The following NALF1 variants were observed in gnomAD, a reference collection of about 807,000 sequenced individuals.
NALF1 encodes NALCN channel auxiliary factor 1, also known as family with sequence similarity 155 member A.
A neutral mutation model predicts 48.4 loss-of-function variants in NALF1; 3 were observed. That is an observed-to-expected ratio of 0.06 (90% CI 0.03 to 0.16). NALF1 has a LOEUF of 0.16. Ranked by LOEUF, NALF1 falls within the 10% of genes least tolerant of loss-of-function variation. The pLI is 1.00. For missense variants in NALF1, 526 were observed against 571.5 expected (o/e 0.92, Z 0.81); for synonymous variants, 262 against 245.7 (o/e 1.07, Z -0.62).
chr13:107,853,577 T>C (rs572859076), intron 1 of NALF1, among the ~76,000 whole-genome samples: 23 of 152,284 alleles, frequency 1.5e-4, no homozygotes, highest in African/African-American at 5.3e-4. Flanking sequence ...AAGAACACTT[T>C]GAAATTTTCA....
chr13:107,212,179 T>C (rs1410436697), intron 1 of NALF1, among the ~76,000 whole-genome samples: 1 of 152,174 alleles, frequency 6.6e-6, no homozygotes, highest in Admixed American at 6.5e-5. Flanking sequence ...TAACATTAGG[T>C]TGATCAAAAT....
intron 1 of NALF1, among the ~76,000 whole-genome samples, chr13:107,654,953 T>G (rs1227556234): frequency 1.3e-5 from 2 of 152,136 alleles, no homozygotes; most frequent in Admixed American, 1.3e-4. Context: ...CAGCATCCCT[T>G]AATGATTAAA....
At chr13:107,821,757 C>T (rs1191013258) in intron 1 of NALF1, among the ~76,000 whole-genome samples, 3 of 152,102 alleles carry the variant, frequency 2.0e-5, no homozygotes, top group Non-Finnish European at 4.4e-5. Flanking sequence ...TGATGTCATA[C>T]CATTAATTAT....
At chr13:107,628,923 A>C (rs1194672235) in intron 1 of NALF1, among the ~76,000 whole-genome samples, 1 of 152,028 alleles carries the variant, frequency 6.6e-6, no homozygotes, top group Non-Finnish European at 1.5e-5. Flanking sequence ...TCCCCCATTA[A>C]ATTTCATCTC....
intron 1 of NALF1, among the ~76,000 whole-genome samples, chr13:107,632,518 T>C (rs1005208890): frequency 5.9e-5 from 9 of 152,122 alleles, no homozygotes; most frequent in African/African-American, 1.9e-4. Context: ...CATGTAGGCA[T>C]TCTCCAGAAC....
intron 1 of NALF1, among the ~76,000 whole-genome samples, chr13:107,262,359 G>C (rs1413376713): frequency 2.0e-5 from 3 of 152,080 alleles, no homozygotes; most frequent in African/African-American, 7.2e-5. Flanking sequence ...AGGTTGCAGT[G>C]AGCTGAGATC....
chr13:107,415,154 A>G (rs1566332849), intron 1 of NALF1, among the ~76,000 whole-genome samples: 1 of 152,312 alleles, frequency 6.6e-6, no homozygotes, highest in East Asian at 1.9e-4. Flanking sequence ...TTAGTCTTAA[A>G]ACTCATATTT....
intron 2 of NALF1, among the ~76,000 whole-genome samples, chr13:107,183,053 G>A (rs1879100198): frequency 6.6e-6 from 1 of 152,168 alleles, no homozygotes; most frequent in Non-Finnish European, 1.5e-5. Context: ...TCGGTGGAGA[G>A]GTGTGATTCA....
chr13:107,850,979 T>C (rs1043264832), intron 1 of NALF1, among the ~76,000 whole-genome samples: 28 of 152,162 alleles, frequency 1.8e-4, no homozygotes, highest in South Asian at 6.2e-4. Context: ...ATGACCTGCC[T>C]AGGTGATTTG....
chr13:107,195,093 C>G (rs1879363028), intron 2 of NALF1, among the ~76,000 whole-genome samples: 1 of 152,104 alleles, frequency 6.6e-6, no homozygotes, highest in Non-Finnish European at 1.5e-5. Flanking sequence ...ACGTGTTGAA[C>G]AGCAAACACT....
chr13:107,516,107 T>C (rs777287547), intron 1 of NALF1, among the ~76,000 whole-genome samples: 5 of 152,176 alleles, frequency 3.3e-5, no homozygotes, highest in Non-Finnish European at 5.9e-5. Flanking sequence ...CAATATTAAC[T>C]GGAAAGGTTG....
chr13:107,615,070 C>G (rs1879343320), intron 1 of NALF1, among the ~76,000 whole-genome samples: 1 of 152,116 alleles, frequency 6.6e-6, no homozygotes, highest in Non-Finnish European at 1.5e-5. Flanking sequence ...AGCCACTGTG[C>G]CTCGCACATC....
At chr13:107,620,392 T>C (rs1220299384) in intron 1 of NALF1, among the ~76,000 whole-genome samples, 1 of 152,214 alleles carries the variant, frequency 6.6e-6, no homozygotes, top group Admixed American at 6.5e-5. Context: ...GGAAAATCTT[T>C]AATTGTGTGT....
rs1215817290 is a variant in NALF1 at position 107,169,218 on chromosome 13, A to AT, written c.*1278dup. The AT allele has an allele frequency of 6.6e-6, 1 of 152,324 alleles. No individual in the cohort carries two copies. The highest frequency in any genetic ancestry group is 2.4e-5 in the African/African-American group (1 of 41,432). The allele number at this position is 152,324 out of a possible 1,614,324, so 9.4% of individuals were successfully genotyped here. On this transcript the variant is annotated 3_prime_UTR_variant, in exon 3 of 3. Transcript: ENST00000375915. ...GTTAATAAAAATGGCTGACCTATTT[A>AT]TTTTTTAAAAAAGAAGTTGTTCCTC...
At chr13:107,457,048 T>C (rs1393749928) in intron 1 of NALF1, among the ~76,000 whole-genome samples, 1 of 152,188 alleles carries the variant, frequency 6.6e-6, no homozygotes, top group African/African-American at 2.4e-5. Flanking sequence ...GTTAGAACAC[T>C]GGTAACATGC....
chr13:107,604,807 T>C (rs1267833639), intron 1 of NALF1, among the ~76,000 whole-genome samples: 3 of 152,150 alleles, frequency 2.0e-5, no homozygotes, highest in African/African-American at 4.8e-5. Context: ...CTCAAGACCA[T>C]AGCTGAATTC....
intron 1 of NALF1, among the ~76,000 whole-genome samples, chr13:107,640,059 A>G (rs1471247716): frequency 6.6e-6 from 1 of 152,160 alleles, no homozygotes; most frequent in Non-Finnish European, 1.5e-5. Context: ...GGAATCATTG[A>G]CTGTTTTAAA....
At chr13:107,335,064 C>T (rs921338121) in intron 1 of NALF1, among the ~76,000 whole-genome samples, 8 of 152,098 alleles carry the variant, frequency 5.3e-5, no homozygotes, top group Admixed American at 3.3e-4. Context: ...CTCAATACCA[C>T]GGTCAGGATG....
At chr13:107,326,361 T>C (rs1882364313) in intron 1 of NALF1, among the ~76,000 whole-genome samples, 1 of 152,136 alleles carries the variant, frequency 6.6e-6, no homozygotes, top group Admixed American at 6.5e-5. Context: ...CGTGAAAATC[T>C]GGCCAGTCAC....
Sources: gnomAD v4.1 joint callset for allele counts (sites outside exome capture counted in the v4.1 genomes callset) on GRCh38, gnomAD v4.1.1 for gene constraint, MANE v1.5 for transcripts, NCBI Gene and HGNC (gene_info 2026-07-23, HGNC 2026-07-21) for gene names.